Variants in UGT1A10 observed in about 807,000 individuals in gnomAD.
UGT1A10 encodes UDP-glucuronosyltransferase 1A10.
In UGT1A10, 49 loss-of-function variants were observed where a neutral mutation model predicts 45.8. The observed-to-expected ratio is 1.07, with a 90% CI of 0.85 to 1.36. The LOEUF is 1.36. Among genes scored for constraint, UGT1A10 ranks in the 40% most tolerant of loss-of-function variants. The probability of loss-of-function intolerance (pLI) is 0.00; values close to 1 mark genes in which losing one functional copy is unlikely to be tolerated. For missense variants in UGT1A10, 745 were observed against 668.6 expected, an observed-to-expected ratio of 1.11 and a Z score of -1.26; for synonymous variants, 284 against 249.7, an observed-to-expected ratio of 1.14 and a Z score of -1.29.
chr2:233,678,142 A>C (rs2074409846), intron 1 of UGT1A10, among the ~76,000 whole-genome samples: 1 of 152,212 alleles, frequency 6.6e-6, no homozygotes, highest in Non-Finnish European at 1.5e-5. Flanking sequence ...TAAAGATGGC[A>C]ACAATAGACA....
intron 1 of UGT1A10, chr2:233,743,518 C>A: frequency 1.5e-6 from 2 of 1,367,324 alleles, no homozygotes; most frequent in Non-Finnish European, 9.8e-7. Flanking sequence ...CGCTCTGCTT[C>A]TGCTTCCCCA....
At chr2:233,685,425 A>G (rs2074738048) in intron 1 of UGT1A10, among the ~76,000 whole-genome samples, 1 of 151,766 alleles carries the variant, frequency 6.6e-6, no homozygotes, top group Non-Finnish European at 1.5e-5. Flanking sequence ...GAATCCAGTT[A>G]TAAAGAATTC....
rs770662663 is a variant in UGT1A10, at chr2:233,769,604, A to G, written c.1295+1165A>G. 1.9e-6 allele frequency: 3 copies of G among 1,612,850 alleles called. No homozygotes were observed. In the South Asian group the frequency reaches 3.3e-5, roughly 18 times the overall value. On this transcript the variant is annotated intron_variant, in intron 4 of 4. Transcript: ENST00000344644. The surrounding 1 kb of genome is among the most constrained non-coding windows in gnomAD (Gnocchi z 4.4). ...AGATGAGAGGAGACGGAACACGGGG[A>G]CACACCAGCTTGAGCAAGGGACAAC...
chr2:233,710,157 C>G (rs2076114557), intron 1 of UGT1A10, among the ~76,000 whole-genome samples: 1 of 152,134 alleles, frequency 6.6e-6, no homozygotes, highest in Non-Finnish European at 1.5e-5. Flanking sequence ...TCATCATTTG[C>G]TTATGCATTT....
chr2:233,646,920 T>A (rs758452630), intron 1 of UGT1A10, among the ~76,000 whole-genome samples: 6 of 152,218 alleles, frequency 3.9e-5, no homozygotes, highest in Non-Finnish European at 8.8e-5. Context: ...TAGTCTGTTT[T>A]CATGCTGCTG....
intron 1 of UGT1A10, among the ~76,000 whole-genome samples, chr2:233,766,091 G>A (rs558812390): frequency 4.6e-5 from 7 of 152,254 alleles, no homozygotes; most frequent in African/African-American, 1.7e-4. Flanking sequence ...AAGGACAGAG[G>A]GCTTTCTGTA....
intron 1 of UGT1A10, chr2:233,760,195 C>T (rs2125980169): frequency 6.4e-7 from 1 of 1,574,430 alleles, no homozygotes; most frequent in Admixed American, 1.7e-5. Context: ...TCACGTGACA[C>T]AGTCAAACAT....
chr2:233,705,136 GA>G (rs11336071), intron 1 of UGT1A10, among the ~76,000 whole-genome samples: 79,427 of 142,524 alleles, frequency 0.56, 22,601 homozygotes, highest in African/African-American at 0.75. Flanking sequence ...GACTTCGTCT[GA>G]AAAAAAAAAA....
rs547322762 is a variant in UGT1A10 at position 233,653,764 on chromosome 2, T to G, written c.855+16387T>G. 1.4e-3 allele frequency among the ~76,000 whole-genome samples: 207 copies of G among 152,264 alleles called. 3 individuals carry two copies. The highest frequency in any genetic ancestry group is 4.8e-3 in the African/African-American group (198 of 41,550). Reference sequence around the variant, plus strand: ...GATGCCCACCACCACAGTCAGCAAATTTTTGTATTTTTAGTAGACATGGGG... The same window carrying G: ...GATGCCCACCACCACAGTCAGCAAAGTTTTGTATTTTTAGTAGACATGGGG... On this transcript the variant is annotated intron_variant, in intron 1 of 4. Coordinates refer to ENST00000344644, the MANE Select transcript of UGT1A10 (RefSeq NM_019075.4).
chr2:233,725,210 A>C (rs1180169749), intron 1 of UGT1A10, among the ~76,000 whole-genome samples: 3 of 88,436 alleles, frequency 3.4e-5, no homozygotes, highest in African/African-American at 2.8e-4. Flanking sequence ...AGGCAGAGGC[A>C]GAGGCAGAGG....
chr2:233,667,685 G>GA (rs542041312), intron 1 of UGT1A10, among the ~76,000 whole-genome samples: 33 of 152,230 alleles, frequency 2.2e-4, no homozygotes, highest in East Asian at 9.7e-4. Flanking sequence ...AAATTTACAA[G>GA]AAAAAATCAA....
chr2:233,677,263 T>G (rs1468746894), intron 1 of UGT1A10, among the ~76,000 whole-genome samples: 1 of 152,192 alleles, frequency 6.6e-6, no homozygotes, highest in Non-Finnish European at 1.5e-5. Context: ...TATCCCTAAG[T>G]ATATCATGTT....
At chr2:233,650,772 G>T (rs1315258209) in intron 1 of UGT1A10, among the ~76,000 whole-genome samples, 1 of 152,094 alleles carries the variant, frequency 6.6e-6, no homozygotes, top group Non-Finnish European at 1.5e-5. Flanking sequence ...CCTCAAACTA[G>T]ATCCTATTCA....
At position 233,772,362 on chromosome 2, in the gene UGT1A10, A is replaced by C. The variant is rs1400939614; in HGVS notation, c.1396A>C (p.Lys466Gln). 6.2e-7 allele frequency: 1 copy of C among 1,614,242 alleles called. No individual in the cohort carries two copies. The highest frequency in any genetic ancestry group is 2.2e-5 in the East Asian group (1 of 44,878). Reference sequence around the variant, plus strand: ...CTGGGTGGAGTTTGTGATGAGGCACAAGGGCGCGCCACACCTGCGCCCCGC... The same window carrying C: ...CTGGGTGGAGTTTGTGATGAGGCACCAGGGCGCGCCACACCTGCGCCCCGC... ...VFWVEFVMRH[K>Q]GAPHLRPAAH... The change falls in exon 5 of 5, where the codon AAG (lysine) becomes CAG (glutamine). Residue 466 changes from lysine to glutamine, a missense_variant. Physicochemically the swap from Lys to Gln is moderately conservative, Grantham distance 53. Coordinates refer to ENST00000344644, the MANE Select transcript of UGT1A10 (RefSeq NM_019075.4).
At chr2:233,770,240 T>A (rs1700042980) in intron 4 of UGT1A10, 1 of 152,226 alleles carries the variant, frequency 6.6e-6, no homozygotes, top group Non-Finnish European at 1.5e-5. Flanking sequence ...TCTCCATGAT[T>A]CCAACACTCT....
chr2:233,680,459 C>T lies in UGT1A10; in HGVS notation c.855+43082C>T, dbSNP rs28969709. ...TAGAGGAAAGTGACTAAGCAAATGT[C>T]TAGTACCAGTTAGGGTGTCCTGGAA... On this transcript the variant is annotated intron_variant, in intron 1 of 4. Transcript: ENST00000344644. Among the ~76,000 whole-genome samples the T allele has an allele frequency of 5.3e-4, 81 of 152,254 alleles. No homozygotes were observed. In the East Asian group the frequency reaches 0.014, roughly 26 times the overall value.
chr2:233,641,375 A>G lies in UGT1A10; in HGVS notation c.855+3998A>G, dbSNP rs185898618. On this transcript the variant is annotated intron_variant, in intron 1 of 4. Coordinates refer to ENST00000344644, the MANE Select transcript of UGT1A10 (RefSeq NM_019075.4). ...CTATTTGCATAAACAAACACACAGC[A>G]AGAAGAAAACTAATAGAAACTAGTC... Among the ~76,000 whole-genome samples the G allele has an allele frequency of 2.4e-4, 36 of 152,320 alleles. No individual in the cohort carries two copies. The East Asian group carries it at 6.7e-3, about 29-fold the overall frequency.
intron 1 of UGT1A10, among the ~76,000 whole-genome samples, chr2:233,737,149 C>G (rs2125805846): frequency 6.6e-6 from 1 of 152,368 alleles, no homozygotes; most frequent in South Asian, 2.1e-4. Flanking sequence ...TTCAGATATG[C>G]CCTGCCCACA....
chr2:233,756,647 A>G (rs924838506), intron 1 of UGT1A10, among the ~76,000 whole-genome samples: 33 of 152,308 alleles, frequency 2.2e-4, no homozygotes, highest in African/African-American at 5.1e-4. Flanking sequence ...GGGGATAAAC[A>G]TGGGATGCAG....
Sources: allele counts gnomAD v4.1 joint callset (sites outside exome capture counted in the v4.1 genomes callset), GRCh38; gene constraint gnomAD v4.1.1; non-coding constraint Gnocchi (gnomAD v3.1); transcripts MANE v1.5; gene names NCBI Gene and HGNC (gene_info 2026-07-23, HGNC 2026-07-21).